Variants in HSD17B12 observed in about 807,000 individuals in gnomAD.
HSD17B12 encodes the protein hydroxysteroid 17-beta dehydrogenase 12, also known as very-long-chain 3-oxoacyl-CoA reductase.
HSD17B12 carries 32 observed loss-of-function variants against 39.3 expected under a neutral mutation model. The ratio of observed to expected loss-of-function variants is 0.81; its 90% CI spans 0.61 to 1.09. HSD17B12 has a LOEUF of 1.09. Ranked by LOEUF, HSD17B12 falls within the 50% of genes least tolerant of loss-of-function variation. The probability of loss-of-function intolerance (pLI) is 0.00; values close to 1 mark genes in which losing one functional copy is unlikely to be tolerated. For missense variants in HSD17B12, 342 were observed against 382.9 expected, an observed-to-expected ratio of 0.89 and a Z score of 0.89; for synonymous variants, 150 against 146.7, an observed-to-expected ratio of 1.02 and a Z score of -0.16.
upstream of HSD17B12, among the ~76,000 whole-genome samples, chr11:43,679,569 T>G (rs1049826493): frequency 6.6e-6 from 1 of 152,170 alleles, no homozygotes. Context: ...TTCACACTTC[T>G]GTGCCCCCTG....
chr11:43,757,358 G>A (rs560499395), intron 3 of HSD17B12, among the ~76,000 whole-genome samples: 1 of 152,106 alleles, frequency 6.6e-6, no homozygotes, highest in Non-Finnish European at 1.5e-5. Context: ...GGTAGGCCGG[G>A]CGCGGTGGCT....
chr11:43,557,869 G>C, the HSD17B12 span, among the ~76,000 whole-genome samples: 147 of 152,234 alleles, frequency 9.7e-4, no homozygotes, highest in African/African-American at 3.4e-3. Context: ...GCTGTAACGG[G>C]GGGGAGCCTG....
chr11:43,618,090 T>C, the HSD17B12 span, among the ~76,000 whole-genome samples: 1 of 152,194 alleles, frequency 6.6e-6, no homozygotes, highest in Non-Finnish European at 1.5e-5. Flanking sequence ...ACTTGGTGTC[T>C]TTTTTCTCTG....
chr11:43,627,245 T>TA, the HSD17B12 span, among the ~76,000 whole-genome samples: 5 of 151,658 alleles, frequency 3.3e-5, no homozygotes, highest in South Asian at 2.1e-4. Context: ...GATTTTTTTT[T>TA]AAATGTAACT....
intron 3 of HSD17B12, among the ~76,000 whole-genome samples, chr11:43,761,065 C>T (rs753089304): frequency 1.3e-5 from 2 of 150,960 alleles, no homozygotes; most frequent in Non-Finnish European, 3.0e-5. Flanking sequence ...ACAGACTCCA[C>T]AAGGCAGTGA....
chr11:43,771,289 G>A (rs1950646428), intron 3 of HSD17B12, among the ~76,000 whole-genome samples: 3 of 151,960 alleles, frequency 2.0e-5, no homozygotes, highest in African/African-American at 4.8e-5. Context: ...CTTTATGAAT[G>A]TATTACAATT....
chr11:43,670,367 C>T, the HSD17B12 span: 1 of 152,044 alleles, frequency 6.6e-6, no homozygotes. Context: ...CAAAATGAAA[C>T]ACCATGTTAT....
At chr11:43,828,464 G>T (rs536031852) in intron 6 of HSD17B12, among the ~76,000 whole-genome samples, 12 of 152,240 alleles carry the variant, frequency 7.9e-5, no homozygotes, top group African/African-American at 2.9e-4. Context: ...TCTTAGGAAA[G>T]AATTAAAATT....
At chr11:43,823,043 A>C (rs2135094664) in intron 6 of HSD17B12, among the ~76,000 whole-genome samples, 1 of 152,068 alleles carries the variant, frequency 6.6e-6, no homozygotes, top group South Asian at 2.1e-4. Context: ...ATATTAATTT[A>C]ATTTTTTACT....
the HSD17B12 span, among the ~76,000 whole-genome samples, chr11:43,609,217 G>A: frequency 3.8e-3 from 569 of 151,700 alleles, 6 homozygotes; most frequent in African/African-American, 0.013. Context: ...TAGAATTACA[G>A]GCATGAGCCA....
At chr11:43,814,000 T>A (rs1028482274) in intron 4 of HSD17B12, among the ~76,000 whole-genome samples, 1 of 152,168 alleles carries the variant, frequency 6.6e-6, no homozygotes, top group African/African-American at 2.4e-5. Context: ...TATTGAAAAG[T>A]TATTATTACT....
intron 6 of HSD17B12, among the ~76,000 whole-genome samples, chr11:43,820,048 A>G (rs989687827): frequency 3.3e-5 from 5 of 152,178 alleles, no homozygotes; most frequent in African/African-American, 1.2e-4. Context: ...AATGTAGTTA[A>G]CATTGCTTCT....
At position 43,733,907 on chromosome 11, in the gene HSD17B12, T is replaced by A. The variant is rs539425738; in HGVS notation, c.161-17004T>A. ...TTCCATGGAGTACAGGACATTGTAG[T>A]AGGGGAAGGGACTCACTTTCTCATC... is the stretch of plus-strand genomic sequence containing the variant. On this transcript the variant is annotated intron_variant, in intron 1 of 10. Coordinates refer to ENST00000278353, the MANE Select transcript of HSD17B12 (RefSeq NM_016142.3). The A allele has an allele frequency of 4.4e-6, 3 of 687,594 alleles. No individual in the cohort carries two copies. In the African/African-American group the frequency reaches 5.3e-5, roughly 12 times the overall value. 42.6% of individuals were successfully genotyped at this position (687,594 alleles called of 1,614,324 possible). A position where few individuals can be genotyped will look rare whatever the true frequency, so the allele number is the denominator to read the frequency against.
chr11:43,614,680 C>T, the HSD17B12 span, among the ~76,000 whole-genome samples: 2 of 152,206 alleles, frequency 1.3e-5, no homozygotes, highest in East Asian at 3.9e-4. Flanking sequence ...CTACAGTTCC[C>T]TAGGACTTTT....
chr11:43,732,501 C>T (rs1950278525), intron 1 of HSD17B12, among the ~76,000 whole-genome samples: 1 of 151,748 alleles, frequency 6.6e-6, no homozygotes, highest in South Asian at 2.1e-4. Flanking sequence ...GGGCCTCTGT[C>T]ATCCAGGATG....
chr11:43,830,753 C>T lies in HSD17B12; in HGVS notation c.502-223C>T, dbSNP rs1432291838. The stretch of plus-strand genomic sequence containing the variant: ...AGGCAAGACTAATTTTAGCCAGGTT[C>T]ATTAAAGTATTCCCTGTGTTCTCTC... On this transcript the variant is annotated intron_variant, in intron 6 of 10. Coordinates refer to ENST00000278353, the MANE Select transcript of HSD17B12 (RefSeq NM_016142.3). The T allele has an allele frequency of 3.2e-5, 11 of 346,754 alleles. No homozygotes were observed. In the East Asian group the frequency reaches 4.4e-4, roughly 14 times the overall value. 21.5% of individuals were successfully genotyped at this position (346,754 alleles called of 1,614,324 possible). A position where few individuals can be genotyped will look rare whatever the true frequency, so the allele number is the denominator to read the frequency against.
chr11:43,576,084 G>A, the HSD17B12 span, among the ~76,000 whole-genome samples: 1 of 152,298 alleles, frequency 6.6e-6, no homozygotes, highest in South Asian at 2.1e-4. Flanking sequence ...AGCATGTAGG[G>A]AATCTGATCA....
At chr11:43,752,030 G>A (rs1293390035) in intron 2 of HSD17B12, among the ~76,000 whole-genome samples, 1 of 152,122 alleles carries the variant, frequency 6.6e-6, no homozygotes, top group East Asian at 1.9e-4. Context: ...ATTATGCATT[G>A]CATTTGGTGT....
At chr11:43,798,563 A>C in intron 4 of HSD17B12, 136 bp downstream of exon 4, 1 of 572,408 alleles carries the variant, frequency 1.7e-6, no homozygotes, top group Non-Finnish European at 3.1e-6. Flanking sequence ...GAATAATATC[A>C]CTAGGTGACA....
Sources: gnomAD v4.1 joint callset for allele counts (sites outside exome capture counted in the v4.1 genomes callset) on GRCh38, gnomAD v4.1.1 for gene constraint, MANE v1.5 for transcripts, NCBI Gene and HGNC (gene_info 2026-07-23, HGNC 2026-07-21) for gene names.